MTFR1: variants seen among roughly 807,000 people sequenced by gnomAD.
MTFR1 encodes the protein chondrocyte protein with a poly-proline region.
A neutral mutation model predicts 38.8 loss-of-function variants in MTFR1; 28 were observed. That is an observed-to-expected ratio of 0.72 (90% CI 0.53 to 0.99). MTFR1 has a LOEUF of 0.99. Among genes scored for constraint, MTFR1 ranks in the 50% least tolerant of loss-of-function variants. MTFR1 has a pLI of 0.00. For synonymous variants in MTFR1, 145 were observed against 137.0 expected, an observed-to-expected ratio of 1.06 and a Z score of -0.41; for missense variants, 358 against 395.5, an observed-to-expected ratio of 0.91 and a Z score of 0.81.
At chr8:65,733,314 G>A (rs7833031) in intron 3 of MTFR1, among the ~76,000 whole-genome samples, 57,612 of 151,886 alleles carry the variant, frequency 0.38, 11,519 homozygotes, top group East Asian at 0.62. Flanking sequence ...AGAAGCCTTC[G>A]CTGACCAGGT....
intron 3 of MTFR1, chr8:65,727,463 C>T: frequency 1.0e-6 from 1 of 956,514 alleles, no homozygotes; most frequent in South Asian, 1.7e-5. Flanking sequence ...AGCACATCTG[C>T]CAGGTCCTGA....
At chr8:65,745,887 C>T (rs910008725) in intron 3 of MTFR1, among the ~76,000 whole-genome samples, 3 of 152,108 alleles carry the variant, frequency 2.0e-5, no homozygotes, top group African/African-American at 7.2e-5. Flanking sequence ...TTATAAGTTA[C>T]TCACTCTTTT....
At chr8:65,716,971 T>C (rs7829562) in intron 2 of MTFR1, among the ~76,000 whole-genome samples, 16,706 of 152,188 alleles carry the variant, frequency 0.11, 1,143 homozygotes, top group Middle Eastern at 0.17. Flanking sequence ...CTAGTCCAAA[T>C]TGAGATGTGC....
chr8:65,700,893 C>T (rs141078947), intron 4 of MTFR1, among the ~76,000 whole-genome samples: 3 of 152,340 alleles, frequency 2.0e-5, no homozygotes, highest in African/African-American at 7.2e-5. Flanking sequence ...GATAGCTTTT[C>T]TTCACAGGTA....
chr8:65,644,979 G>C lies in MTFR1; in HGVS notation c.-81+195G>C, dbSNP rs976909286. On this transcript the variant is annotated intron_variant, in intron 1 of 7. Coordinates refer to ENST00000262146, the MANE Select transcript of MTFR1 (RefSeq NM_014637.4). ...GCGGCCGGGAGGCAGAGACTGCCTCGGCTGAGGGCGCGTGGGTCGGGGGCT... is the reference window on the plus strand; with the variant it reads ...GCGGCCGGGAGGCAGAGACTGCCTCCGCTGAGGGCGCGTGGGTCGGGGGCT... Among the ~76,000 whole-genome samples, 26 of 152,342 alleles carry C rather than the reference G, an allele frequency of 1.7e-4. No homozygotes were observed. The South Asian group carries it at 5.2e-3, about 30-fold the overall frequency.
At chr8:65,682,086 T>A (rs2129053508) in intron 2 of MTFR1, 1 of 182,018 alleles carries the variant, frequency 5.5e-6, no homozygotes, top group Non-Finnish European at 1.1e-5. Context: ...TTACTGTAAG[T>A]ATAGTATTTA....
chr8:65,647,736 A>G (rs530098708), intron 1 of MTFR1, among the ~76,000 whole-genome samples: 1 of 152,302 alleles, frequency 6.6e-6, no homozygotes. Context: ...ATTACTGCCC[A>G]GCTACTGAAC....
intron 3 of MTFR1, chr8:65,765,761 T>C (rs1297202862): frequency 6.6e-6 from 1 of 152,154 alleles, no homozygotes; most frequent in East Asian, 1.9e-4. Context: ...TACTATTTAA[T>C]AATCATGCCA....
At position 65,703,419 on chromosome 8, in the gene MTFR1, GTTTTTT is replaced by G. The variant is rs553260839; in HGVS notation, c.282-1248_282-1243del. Among the ~76,000 whole-genome samples the G allele has an allele frequency of 6.7e-4, 34 of 50,954 alleles. 1 individual carries two copies. Among genetic ancestry groups the G allele is most frequent in the Admixed American group, 9.1e-4 (3 of 3,300 alleles). The allele number at this position is 50,954 out of a possible 152,430, so 33.4% of individuals were successfully genotyped here. ...GGTACATCCATGCTTGATGTCTCTG[GTTTTTT>G]TTTTTTTTTTTTTTTTTTTTTTTTT... is the stretch of plus-strand genomic sequence containing the variant. On this transcript the variant is annotated intron_variant, in intron 4 of 7. Transcript: ENST00000262146.
At chr8:65,655,215 ATC>A (rs1425650667) in intron 1 of MTFR1, among the ~76,000 whole-genome samples, 22 of 152,340 alleles carry the variant, frequency 1.4e-4, no homozygotes, top group African/African-American at 4.8e-4. Flanking sequence ...TATGAATATG[ATC>A]TCTGTCTCTA....
downstream of MTFR1, among the ~76,000 whole-genome samples, chr8:65,711,405 A>G (rs756278571): frequency 5.3e-5 from 8 of 152,236 alleles, no homozygotes; most frequent in Non-Finnish European, 1.2e-4. Context: ...TAACTTCCCC[A>G]GAAATAAATA....
At position 65,754,820 on chromosome 8, in the gene MTFR1, C is replaced by T. The variant is rs544338058; in HGVS notation, c.*49-16127C>T. ...TCTCTACTAAAAATACAAAAATAAG[C>T]TGGGCATGGTGGCATGCACCTGTAG... On this transcript the variant is annotated intron_variant, in intron 3 of 3. Coordinates refer to the MTFR1 transcript ENST00000521247. Among the ~76,000 whole-genome samples the T allele has an allele frequency of 5.4e-5, 8 of 149,240 alleles. No homozygotes were observed. The East Asian group carries it at 1.1e-3, about 20-fold the overall frequency.
intron 3 of MTFR1, among the ~76,000 whole-genome samples, chr8:65,732,148 G>A (rs1249045841): frequency 6.6e-6 from 1 of 151,918 alleles, no homozygotes; most frequent in Non-Finnish European, 1.5e-5. Context: ...ACAGGCACCC[G>A]CCACCATGCC....
rs759355133 is a variant in MTFR1 at position 65,707,100 on chromosome 8, A to G, written c.608A>G (p.Gln203Arg). 6.9e-6 allele frequency: 10 copies of G among 1,459,742 alleles called. No individual in the cohort carries two copies. Among genetic ancestry groups the G allele is most frequent in the Non-Finnish European group, 8.3e-6 (9 of 1,083,740 alleles). The allele number at this position is 1,459,742 out of a possible 1,614,324, so 90.4% of individuals were successfully genotyped here. A position where few individuals can be genotyped will look rare whatever the true frequency, so the allele number is the denominator to read the frequency against. Residue 203 changes from glutamine (Q) to arginine (R), a missense_variant, in exon 6 of 8, where the codon CAA becomes CGA. Transcript: ENST00000262146. Reference sequence around the variant, plus strand: ...CCTCCCCCTGCACTGGGGCTCCACCAAAGTACATCTGCTGTTGATCTGATT... The same window carrying G: ...CCTCCCCCTGCACTGGGGCTCCACCGAAGTACATCTGCTGTTGATCTGATT... ...PLPPPALGLH[Q>R]STSAVDLIKE...
chr8:65,714,717 T>G (rs1276399785), downstream of MTFR1: 2 of 152,198 alleles, frequency 1.3e-5, no homozygotes, highest in Non-Finnish European at 2.9e-5. Context: ...AAAATATTTA[T>G]ACATGCTTGA....
chr8:65,690,395 A>T (rs1003104058), intron 3 of MTFR1, among the ~76,000 whole-genome samples: 4 of 151,962 alleles, frequency 2.6e-5, no homozygotes, highest in Admixed American at 2.0e-4. Context: ...AAAATGAGCC[A>T]GGTGTCGTGG....
chr8:65,679,045 C>T (rs1165408254), intron 2 of MTFR1, among the ~76,000 whole-genome samples: 1 of 152,198 alleles, frequency 6.6e-6, no homozygotes, highest in Non-Finnish European at 1.5e-5. Context: ...TAGTTCCTGA[C>T]CTTGGCAAAT....
intron 4 of MTFR1, among the ~76,000 whole-genome samples, chr8:65,698,441 T>G (rs548778855): frequency 4.5e-4 from 68 of 152,114 alleles, no homozygotes; most frequent in Non-Finnish European, 7.8e-4. Context: ...TGCCCAGCCT[T>G]AAATTCGTGA....
At chr8:65,650,839 A>G (rs1809102695) in intron 1 of MTFR1, among the ~76,000 whole-genome samples, 1 of 152,178 alleles carries the variant, frequency 6.6e-6, no homozygotes, top group South Asian at 2.1e-4. Context: ...TTGACGAGTC[A>G]TATGGTAGCT....
Sources: gnomAD v4.1 joint callset for allele counts (sites outside exome capture counted in the v4.1 genomes callset) on GRCh38, gnomAD v4.1.1 for gene constraint, MANE v1.5 for transcripts, NCBI Gene and HGNC (gene_info 2026-07-23, HGNC 2026-07-21) for gene names.